CREB5: variants seen among roughly 807,000 people sequenced by gnomAD.
CREB5 encodes cAMP responsive element binding protein 5.
A neutral mutation model predicts 57.1 loss-of-function variants in CREB5; 19 were observed. The observed-to-expected ratio is 0.33, with a 90% confidence interval of 0.23 to 0.49. The LOEUF (loss-of-function observed/expected upper bound fraction) is 0.49, where lower values mean the gene tolerates loss of function less well. Among genes scored for constraint, CREB5 ranks in the 20% least tolerant of loss-of-function variants. The pLI is 0.99. For missense variants in CREB5, 579 were observed against 671.6 expected, an observed-to-expected ratio of 0.86 and a Z score of 1.52; for synonymous variants, 238 against 238.3, an observed-to-expected ratio of 1.00 and a Z score of 0.01.
At chr7:28,765,058 G>A (rs2128772073) in intron 7 of CREB5, among the ~76,000 whole-genome samples, 1 of 152,284 alleles carries the variant, frequency 6.6e-6, no homozygotes, top group Non-Finnish European at 1.5e-5. Context: ...TGACAAAGAT[G>A]AGCTGATTAT....
At chr7:28,417,241 A>T (rs1788064043) in intron 1 of CREB5, among the ~76,000 whole-genome samples, 1 of 152,224 alleles carries the variant, frequency 6.6e-6, no homozygotes, top group African/African-American at 2.4e-5. Flanking sequence ...AAACAGGTGA[A>T]GTCATTTTAA....
At chr7:28,536,709 C>T (rs1015242310) in intron 4 of CREB5, among the ~76,000 whole-genome samples, 2 of 152,200 alleles carry the variant, frequency 1.3e-5, no homozygotes, top group South Asian at 2.1e-4. Context: ...GGGTGTGGAA[C>T]ATATACTAAT....
At chr7:28,743,903 GGTTA>G (rs2128758957) in intron 7 of CREB5, among the ~76,000 whole-genome samples, 1 of 123,166 alleles carries the variant, frequency 8.1e-6, no homozygotes, top group South Asian at 3.0e-4. Context: ...ACATTGTGCA[GGTTA>G]GTTACATATG....
At chr7:28,620,567 G>C (rs1797755839) in intron 5 of CREB5, among the ~76,000 whole-genome samples, 1 of 152,136 alleles carries the variant, frequency 6.6e-6, no homozygotes, top group South Asian at 2.1e-4. Flanking sequence ...TAAGTTTCTA[G>C]ATACAAATTA....
chr7:28,498,768 C>T (rs1792158428), intron 3 of CREB5, among the ~76,000 whole-genome samples: 1 of 152,190 alleles, frequency 6.6e-6, no homozygotes, highest in African/African-American at 2.4e-5. Context: ...CAAAGACTTG[C>T]ACAACCCTTC....
intron 1 of CREB5, among the ~76,000 whole-genome samples, chr7:28,322,820 A>C (rs550805405): frequency 1.3e-5 from 2 of 152,254 alleles, no homozygotes; most frequent in African/African-American, 4.8e-5. Flanking sequence ...CATGGTGTAT[A>C]TGTGCCACAT....
At chr7:28,718,644 G>A in intron 5 of CREB5, 109 bp from the exon 6 acceptor site, 1 of 1,432,898 alleles carries the variant, frequency 7.0e-7, no homozygotes, top group Non-Finnish European at 9.4e-7. Context: ...CCCATCAGTG[G>A]ATCTGATCTG....
chr7:28,488,322 C>T (rs368073994), intron 2 of CREB5, 76 bp downstream of exon 2: 14 of 1,341,082 alleles, frequency 1.0e-5, no homozygotes, highest in Admixed American at 8.7e-5. Flanking sequence ...ACCCGGCAAT[C>T]ATGCCTGCCC....
intron 1 of CREB5, among the ~76,000 whole-genome samples, chr7:28,475,270 T>C (rs1791020683): frequency 1.5e-5 from 2 of 137,474 alleles, no homozygotes; most frequent in East Asian, 2.1e-4. Context: ...TTTTTTTTTT[T>C]TTTTTTTTTT....
chr7:28,319,035 T>G (rs1785437833), intron 1 of CREB5, among the ~76,000 whole-genome samples: 1 of 152,266 alleles, frequency 6.6e-6, no homozygotes, highest in Middle Eastern at 3.4e-3. Flanking sequence ...ACTAAGTCAG[T>G]GGGTGGAGTG....
intron 5 of CREB5, among the ~76,000 whole-genome samples, chr7:28,668,061 A>T (rs552250071): frequency 6.6e-6 from 1 of 152,192 alleles, no homozygotes; most frequent in Non-Finnish European, 1.5e-5. Flanking sequence ...TACAAAAATC[A>T]CACATTTTCA....
intron 1 of CREB5, among the ~76,000 whole-genome samples, chr7:28,438,959 A>C (rs1486626035): frequency 6.6e-6 from 1 of 152,220 alleles, no homozygotes; most frequent in East Asian, 1.9e-4. Flanking sequence ...CAGGGTAAAG[A>C]CTGGGAATAG....
intron 1 of CREB5, among the ~76,000 whole-genome samples, chr7:28,301,778 A>C (rs4722782): frequency 0.6 from 91,189 of 151,696 alleles, 29,907 homozygotes; most frequent in East Asian, 0.96. Flanking sequence ...TGTTTAGCTC[A>C]GAGGAGGAGG....
chr7:28,329,941 G>C (rs570764805), intron 1 of CREB5, among the ~76,000 whole-genome samples: 1 of 152,340 alleles, frequency 6.6e-6, no homozygotes, highest in East Asian at 1.9e-4. Flanking sequence ...GGTTTGTGGA[G>C]CTGTTTTCTC....
chr7:28,431,518 T>C (rs1376058989), intron 1 of CREB5, among the ~76,000 whole-genome samples: 1 of 152,192 alleles, frequency 6.6e-6, no homozygotes, highest in African/African-American at 2.4e-5. Flanking sequence ...TGGCTCATGC[T>C]TGGACATTTA....
rs1434076234 is a variant in CREB5, at chr7:28,650,505, A to G, written c.465-68248A>G. Reference sequence around the variant, plus strand: ...GCCAGGACACAGTCATGCCATTTCAATCACACAGATCCAGATAGTCTAAAA... The same window carrying G: ...GCCAGGACACAGTCATGCCATTTCAGTCACACAGATCCAGATAGTCTAAAA... On this transcript the variant is annotated intron_variant, in intron 5 of 10. Coordinates refer to ENST00000357727, the MANE Select transcript of CREB5 (RefSeq NM_182898.4). Among the ~76,000 whole-genome samples, 3 of 152,170 alleles carry G rather than the reference A, an allele frequency of 2.0e-5. No homozygotes were observed. The East Asian group carries it at 5.8e-4, about 29-fold the overall frequency.
intron 7 of CREB5, among the ~76,000 whole-genome samples, chr7:28,783,812 C>T (rs763241842): frequency 6.6e-6 from 1 of 152,174 alleles, no homozygotes; most frequent in African/African-American, 2.4e-5. Context: ...GTACAGCAAA[C>T]GGAGCTTGGC....
chr7:28,810,650 C>T (rs897221361), intron 9 of CREB5, among the ~76,000 whole-genome samples: 30 of 152,008 alleles, frequency 2.0e-4, no homozygotes, highest in Admixed American at 1.9e-3. Flanking sequence ...GAGCCAAGAT[C>T]GCACCACGGT....
intron 5 of CREB5, among the ~76,000 whole-genome samples, chr7:28,630,026 G>A (rs1488621208): frequency 6.6e-6 from 1 of 152,198 alleles, no homozygotes; most frequent in Non-Finnish European, 1.5e-5. Context: ...AGCCCTGAGA[G>A]GTGGCTACCC....
Sources: allele counts gnomAD v4.1 joint callset (sites outside exome capture counted in the v4.1 genomes callset), GRCh38; gene constraint gnomAD v4.1.1; transcripts MANE v1.5; gene names NCBI Gene and HGNC (gene_info 2026-07-23, HGNC 2026-07-21).